Variants in MORC1 observed in about 807,000 individuals in gnomAD.
MORC1 encodes the protein MORC family CW-type zinc finger protein 1.
A neutral mutation model predicts 134.9 loss-of-function variants in MORC1; 59 were observed. The observed-to-expected ratio is 0.44, with a 90% CI of 0.35 to 0.54. The LOEUF (loss-of-function observed/expected upper bound fraction) is 0.54. Among genes scored for constraint, MORC1 ranks in the 20% least tolerant of loss-of-function variants. MORC1 has a pLI of 0.00. For synonymous variants in MORC1, 395 were observed against 391.7 expected (o/e 1.01, Z -0.10); for missense variants, 947 against 1,134.5 (o/e 0.83, Z 2.37).
intron 17 of MORC1, among the ~76,000 whole-genome samples, chr3:109,024,687 A>T (rs944953456): frequency 1.3e-5 from 2 of 152,214 alleles, no homozygotes; most frequent in African/African-American, 4.8e-5. Flanking sequence ...AGGAAGAGAA[A>T]ACAGGAGGTG....
intron 14 of MORC1, among the ~76,000 whole-genome samples, chr3:109,044,892 C>T (rs1277629649): frequency 1.4e-5 from 2 of 144,622 alleles, no homozygotes; most frequent in Non-Finnish European, 1.5e-5. Flanking sequence ...TTGCAGTGAG[C>T]GGAGATCATG....
At position 109,098,367 on chromosome 3, in the gene MORC1, C is replaced by A. The variant is rs549431669; in HGVS notation, c.423+991G>T. Reference sequence around the variant, plus strand: ...TTTTCCATGCCCTTTACACACATAACATGCAACATAAATGCTTACAGCATC... The same window carrying A: ...TTTTCCATGCCCTTTACACACATAAAATGCAACATAAATGCTTACAGCATC... On this transcript the variant is annotated intron_variant, in intron 6 of 27. Coordinates refer to ENST00000232603, the MANE Select transcript of MORC1 (RefSeq NM_014429.4). Among the ~76,000 whole-genome samples the A allele has an allele frequency of 6.0e-4, 92 of 152,268 alleles. 3 individuals are homozygous for A. In the South Asian group the frequency reaches 0.019, roughly 32 times the overall value.
chr3:109,045,448 T>C (rs1200814835), intron 14 of MORC1, among the ~76,000 whole-genome samples: 3 of 152,188 alleles, frequency 2.0e-5, no homozygotes, highest in Admixed American at 6.5e-5. Context: ...CTGGTTTCAA[T>C]TGATAATGTC....
intron 9 of MORC1, among the ~76,000 whole-genome samples, chr3:109,066,245 C>G (rs1950192636): frequency 6.6e-6 from 1 of 151,746 alleles, no homozygotes; most frequent in Non-Finnish European, 1.5e-5. Flanking sequence ...TCCTCCCCCA[C>G]TAGAATGTAA....
chr3:109,115,705 C>T (rs144066624), intron 1 of MORC1, among the ~76,000 whole-genome samples: 2 of 152,342 alleles, frequency 1.3e-5, no homozygotes, highest in East Asian at 3.9e-4. Flanking sequence ...TCTGCACTAG[C>T]TCATTCAAGA....
chr3:109,029,268 T>G (rs1949175488), intron 16 of MORC1, among the ~76,000 whole-genome samples: 1 of 152,220 alleles, frequency 6.6e-6, no homozygotes, highest in Non-Finnish European at 1.5e-5. Flanking sequence ...GGACAACTTC[T>G]ATATATACAG....
At chr3:109,004,941 G>A (rs1576622203) in intron 19 of MORC1, 53 bp from the exon 20 acceptor site, 2 of 1,589,998 alleles carry the variant, frequency 1.3e-6, no homozygotes, top group South Asian at 2.3e-5. Context: ...ACCTTGTCCA[G>A]GAAACACAGA....
At chr3:109,106,247 G>A (rs1951032462) in intron 3 of MORC1, among the ~76,000 whole-genome samples, 1 of 152,202 alleles carries the variant, frequency 6.6e-6, no homozygotes, top group South Asian at 2.1e-4. Context: ...GGTAGCCACA[G>A]CTGATTTGCA....
At chr3:109,025,122 G>GT (rs964915340) in intron 17 of MORC1, among the ~76,000 whole-genome samples, 2 of 152,202 alleles carry the variant, frequency 1.3e-5, no homozygotes, top group Non-Finnish European at 2.9e-5. Context: ...TTGCATCATT[G>GT]TAACAAGTCA....
intron 1 of MORC1, among the ~76,000 whole-genome samples, chr3:109,115,745 A>G (rs1286420300): frequency 1.3e-5 from 2 of 152,208 alleles, no homozygotes; most frequent in African/African-American, 2.4e-5. Flanking sequence ...CCATGTGCCA[A>G]TGTGTACAGG....
At position 109,007,011 on chromosome 3, in the gene MORC1, C is replaced by T; in HGVS notation, c.1767+18G>A. 14 of 1,594,002 alleles carry T rather than the reference C, an allele frequency of 8.8e-6. No individual in the cohort carries two copies. The highest frequency in any genetic ancestry group is 1.2e-5 in the Non-Finnish European group (14 of 1,166,626). On this transcript the variant is annotated intron_variant, in intron 18 of 27. Coordinates refer to ENST00000232603, the MANE Select transcript of MORC1 (RefSeq NM_014429.4). ...TAAAACATGACACAAATTGCTTAAT[C>T]CTATATTAATTACTCACCTTATGTG...
chr3:109,014,632 T>C (rs551002217), intron 17 of MORC1, among the ~76,000 whole-genome samples: 1 of 152,234 alleles, frequency 6.6e-6, no homozygotes, highest in Non-Finnish European at 1.5e-5. Context: ...GGGTTTGTAA[T>C]ATTTTAGGTG....
At chr3:109,012,693 A>C (rs1418027950) in intron 17 of MORC1, among the ~76,000 whole-genome samples, 1 of 152,186 alleles carries the variant, frequency 6.6e-6, no homozygotes, top group African/African-American at 2.4e-5. Context: ...GGTATTTTTC[A>C]ATTTCAATTT....
At chr3:109,035,499 CA>C (rs35736028) in intron 14 of MORC1, 31 bp from the exon 15 acceptor site, 715,993 of 1,266,056 alleles carry the variant, frequency 0.57, 209,318 homozygotes, top group East Asian at 0.92. Context: ...CAAAGAATAA[CA>C]AAAAAAAATC....
rs1559912818 is a variant in MORC1, at chr3:109,040,480, GAAA to G, written c.1331-5015_1331-5013del. ...AGAAAGAAAGAAAGAAAGAAAGAAAGAAAGAAAGGAAAGAAAAGAAAGGAAGGA... is the reference window on the plus strand; with the variant it reads ...AGAAAGAAAGAAAGAAAGAAAGAAAGGAAAGGAAAGAAAAGAAAGGAAGGA... On this transcript the variant is annotated intron_variant, in intron 14 of 27. Coordinates refer to ENST00000232603, the MANE Select transcript of MORC1 (RefSeq NM_014429.4). 1.9e-3 allele frequency among the ~76,000 whole-genome samples: 271 copies of G among 145,118 alleles called. 20 individuals are homozygous for G. The highest frequency in any genetic ancestry group is 6.1e-3 in the African/African-American group (234 of 38,404).
intron 21 of MORC1, among the ~76,000 whole-genome samples, chr3:108,996,202 C>A (rs1948201909): frequency 6.6e-6 from 1 of 152,090 alleles, no homozygotes; most frequent in African/African-American, 2.4e-5. Context: ...ACCTGAATTT[C>A]ATCATGGCCA....
intron 23 of MORC1, among the ~76,000 whole-genome samples, chr3:108,980,410 C>T (rs948011549): frequency 1.3e-5 from 2 of 152,146 alleles, no homozygotes; most frequent in Non-Finnish European, 2.9e-5. Context: ...AATGCTAACT[C>T]AACTGCCCAG....
chr3:109,024,495 C>T (rs2107588986), intron 17 of MORC1, among the ~76,000 whole-genome samples: 1 of 152,250 alleles, frequency 6.6e-6, no homozygotes, highest in East Asian at 1.9e-4. Context: ...ACCCATAGAA[C>T]CTAAAATCCA....
At chr3:109,062,422 C>CTTTT (rs757502962) in intron 10 of MORC1, among the ~76,000 whole-genome samples, 1 of 139,042 alleles carries the variant, frequency 7.2e-6, no homozygotes, top group African/African-American at 2.6e-5. Flanking sequence ...GAACATCCTT[C>CTTTT]TTTTTTTTTT....
Sources: gnomAD v4.1 joint callset for allele counts (sites outside exome capture counted in the v4.1 genomes callset) on GRCh38, gnomAD v4.1.1 for gene constraint, MANE v1.5 for transcripts, NCBI Gene and HGNC (gene_info 2026-07-23, HGNC 2026-07-21) for gene names.